AKAP13: variants seen among roughly 807,000 people sequenced by gnomAD.
The protein encoded by AKAP13 is A-kinase anchor protein 13.
AKAP13 carries 80 observed loss-of-function variants against 264.5 expected under a neutral mutation model. The observed-to-expected ratio is 0.30, with a 90% CI of 0.25 to 0.36. The LOEUF (loss-of-function observed/expected upper bound fraction) is 0.36, where lower values mean the gene tolerates loss of function less well. AKAP13 is among the 10% of genes least tolerant of loss of function. The pLI, the probability that AKAP13 is intolerant of heterozygous loss-of-function variation, is 1.00. For missense variants in AKAP13, 3,712 were observed against 3,435.2 expected, an observed-to-expected ratio of 1.08 and a Z score of -2.01; for synonymous variants, 1,380 against 1,250.2, an observed-to-expected ratio of 1.10 and a Z score of -2.19.
At chr15:85,513,943 A>G (rs1387029125) in intron 2 of AKAP13, among the ~76,000 whole-genome samples, 1 of 137,996 alleles carries the variant, frequency 7.2e-6, no homozygotes, top group Non-Finnish European at 1.5e-5. Flanking sequence ...CACATCTGTC[A>G]TCTGTCTTTA....
In AKAP13 at chr15:85,436,811, C is replaced by T; in HGVS notation, c.-11-48899C>T. Among the ~76,000 whole-genome samples the T allele has an allele frequency of 1.3e-5, 2 of 151,892 alleles. 1 individual carries two copies. The highest frequency in any genetic ancestry group is 2.9e-5 in the Non-Finnish European group (2 of 67,982). On this transcript the variant is annotated intron_variant, in intron 1 of 36. Coordinates refer to ENST00000394518, the MANE Select transcript of AKAP13 (RefSeq NM_007200.5). The stretch of plus-strand genomic sequence containing the variant: ...CATACCAGAATCTCTGGGACGCATT[C>T]AAAGCAGTGTGTAGAGGGAAATTTA...
At chr15:85,574,350 G>C (rs1339832567) in intron 5 of AKAP13, among the ~76,000 whole-genome samples, 3 of 152,188 alleles carry the variant, frequency 2.0e-5, no homozygotes, top group Non-Finnish European at 4.4e-5. Context: ...TTACGGGCAT[G>C]GGTATGCCTT....
intron 8 of AKAP13, among the ~76,000 whole-genome samples, chr15:85,628,979 G>C (rs1436992199): frequency 6.6e-6 from 1 of 152,104 alleles, no homozygotes; most frequent in Non-Finnish European, 1.5e-5. Flanking sequence ...GATTGCTTGA[G>C]GCTTGGAGTT....
intron 5 of AKAP13, among the ~76,000 whole-genome samples, chr15:85,566,817 A>G (rs1278334465): frequency 1.3e-5 from 2 of 151,182 alleles, no homozygotes; most frequent in African/African-American, 2.4e-5. Flanking sequence ...TTGGGTGGAG[A>G]CGGGGTTTCC....
intron 1 of AKAP13, among the ~76,000 whole-genome samples, chr15:85,442,512 A>T (rs867306386): frequency 1.8e-5 from 2 of 111,198 alleles, no homozygotes; most frequent in Non-Finnish European, 3.8e-5. Context: ...ATTATATATA[A>T]TATATATTAT....
chr15:85,530,734 A>G (rs750517821), intron 3 of AKAP13, among the ~76,000 whole-genome samples: 2 of 152,200 alleles, frequency 1.3e-5, no homozygotes, highest in African/African-American at 4.8e-5. Flanking sequence ...TTTCTTCTTT[A>G]AAGCAGTTCT....
Position 85,581,327 on chromosome 15 carries a change from G to A in AKAP13, c.3259G>A (p.Val1087Met), listed in dbSNP as rs1459117468. Residue 1087 changes from valine (V) to methionine (M), a missense_variant, in exon 7 of 37, where the codon GTG becomes ATG. Physicochemically the swap from Val to Met is conservative, Grantham distance 21. This residue lies in a region of AKAP13 where 2,759 missense variants were observed against 2,411.7 expected (regional missense o/e 1.14). Transcript: ENST00000394518. ...TAGTGCCTGTGAGGTGAGTGGAGAT[G>A]TGACGGTGGATGTTACAGGGGTTAA... ...KTSACEVSGDVTVDVTGVNAL... is the reference protein window; with the variant it reads ...KTSACEVSGDMTVDVTGVNAL... 1 of 1,614,088 alleles carries A rather than the reference G, an allele frequency of 6.2e-7. No individual in the cohort carries two copies. The highest frequency in any genetic ancestry group is 1.3e-5 in the African/African-American group (1 of 74,936).
intron 14 of AKAP13, among the ~76,000 whole-genome samples, chr15:85,680,381 G>A (rs760131320): frequency 1.3e-5 from 2 of 152,092 alleles, no homozygotes; most frequent in African/African-American, 4.8e-5. Context: ...TGCAGAACCT[G>A]GGGATGGATC....
At chr15:85,409,693 C>A (rs1012666707) in intron 1 of AKAP13, among the ~76,000 whole-genome samples, 1 of 145,078 alleles carries the variant, frequency 6.9e-6, no homozygotes, top group African/African-American at 2.6e-5. Flanking sequence ...TGCAGCGGTG[C>A]GATCTCGGCT....
At chr15:85,576,096 G>T (rs565707889) in intron 6 of AKAP13, among the ~76,000 whole-genome samples, 1 of 152,214 alleles carries the variant, frequency 6.6e-6, no homozygotes, top group Non-Finnish European at 1.5e-5. Context: ...GGTTGTAGCC[G>T]TAGGGGGACT....
At chr15:85,639,295 G>C in intron 8 of AKAP13, 79 bp from the exon 9 acceptor site, 1 of 994,804 alleles carries the variant, frequency 1.0e-6, no homozygotes, top group Non-Finnish European at 1.6e-6. Flanking sequence ...ATGTTGGTCA[G>C]TTGACATAAT....
intron 16 of AKAP13, 130 bp downstream of exon 16, chr15:85,685,003 C>G: frequency 2.6e-6 from 3 of 1,170,214 alleles, no homozygotes; most frequent in Non-Finnish European, 3.5e-6. Flanking sequence ...TCCGAAATCG[C>G]CTAATATTTA....
intron 17 of AKAP13, chr15:85,702,239 T>TCACA (rs3223062): frequency 0.049 from 7,139 of 146,660 alleles, 195 homozygotes; most frequent in Non-Finnish European, 0.057. Flanking sequence ...AGAGCAAGAC[T>TCACA]CACACACACA....
At chr15:85,599,216 A>G (rs891540406) in intron 8 of AKAP13, among the ~76,000 whole-genome samples, 1 of 152,218 alleles carries the variant, frequency 6.6e-6, no homozygotes, top group African/African-American at 2.4e-5. Context: ...CTTTCCTGAC[A>G]TGGAACTTTC....
At chr15:85,503,683 T>A (rs532109421) in intron 2 of AKAP13, among the ~76,000 whole-genome samples, 1 of 152,242 alleles carries the variant, frequency 6.6e-6, no homozygotes, top group South Asian at 2.1e-4. Context: ...ATGTATTAGA[T>A]CAGGTAAAGG....
chr15:85,443,442 T>C (rs1252792469), intron 1 of AKAP13, among the ~76,000 whole-genome samples: 2 of 152,182 alleles, frequency 1.3e-5, no homozygotes, highest in East Asian at 3.9e-4. Context: ...CCACTCACTT[T>C]CTTCATCTGT....
rs555608103 is a variant in AKAP13 at position 85,616,515 on chromosome 15, G to A, written c.4162-22859G>A. ...CTGGGACCATTTGTGTGGATAGAGG[G>A]CAGGATGGAGGCTGCAGAAAGAAAG... On this transcript the variant is annotated intron_variant, in intron 8 of 36. Transcript: ENST00000394518. Among the ~76,000 whole-genome samples, 8 of 152,238 alleles carry A rather than the reference G, an allele frequency of 5.3e-5. No homozygotes were observed. In the South Asian group the frequency reaches 1.5e-3, roughly 28 times the overall value.
Position 85,580,814 on chromosome 15 carries a change from G to C in AKAP13, c.2746G>C (p.Val916Leu). 2 of 1,614,064 alleles carry C rather than the reference G, an allele frequency of 1.2e-6. No individual in the cohort carries two copies. Among genetic ancestry groups the C allele is most frequent in the Non-Finnish European group, 1.7e-6 (2 of 1,180,034 alleles). ...TTTGACTGAAGAAGGAAAACTTCTGGTGGTTTCAGAAAGCTCTGCAGCTCA... is the reference window on the plus strand; with the variant it reads ...TTTGACTGAAGAAGGAAAACTTCTGCTGGTTTCAGAAAGCTCTGCAGCTCA... ...SVLTEEGKLL[V>L]VSESSAAQEQ... Residue 916 changes from valine to leucine, a missense_variant, in exon 7 of 37, where the codon GTG (valine) becomes CTG (leucine). By Grantham distance (32) the Val-to-Leu change is conservative (BLOSUM62 1). Transcript: ENST00000394518.
At chr15:85,446,710 C>CTTTT (rs67306030) in intron 1 of AKAP13, among the ~76,000 whole-genome samples, 2 of 124,384 alleles carry the variant, frequency 1.6e-5, no homozygotes, top group African/African-American at 6.3e-5. Flanking sequence ...TTTTCTTTTT[C>CTTTT]TTTTTTTTTT....
Sources: gnomAD v4.1 joint callset for allele counts (sites outside exome capture counted in the v4.1 genomes callset) on GRCh38, gnomAD v4.1.1 for gene constraint, gnomAD v4.1.1 regional missense constraint, MANE v1.5 for transcripts, NCBI Gene and HGNC (gene_info 2026-07-23, HGNC 2026-07-21) for gene names.